The following ANKRD31 variants were observed in gnomAD, a reference collection of about 807,000 sequenced individuals.
ANKRD31 encodes ankyrin repeat domain 31, also known as ankyrin repeat domain-containing protein 31.
ANKRD31 carries 147 observed loss-of-function variants against 186.0 expected under a neutral mutation model. The ratio of observed to expected loss-of-function variants is 0.79; its 90% CI spans 0.69 to 0.91. The LOEUF is 0.91. Among genes scored for constraint, ANKRD31 ranks in the 40% least tolerant of loss-of-function variants. The probability of loss-of-function intolerance (pLI) is 0.00; values close to 1 mark genes in which losing one functional copy is unlikely to be tolerated. For synonymous variants in ANKRD31, 673 were observed against 736.4 expected, an observed-to-expected ratio of 0.91 and a Z score of 1.39; for missense variants, 1,986 against 2,148.8, an observed-to-expected ratio of 0.92 and a Z score of 1.50.
chr5:75,121,408 GA>G (rs1748779705), intron 17 of ANKRD31, among the ~76,000 whole-genome samples: 1 of 152,102 alleles, frequency 6.6e-6, no homozygotes, highest in Non-Finnish European at 1.5e-5. Context: ...CACTGAGACA[GA>G]AAATCAAGAA....
At chr5:75,205,536 A>C (rs528749502) in intron 5 of ANKRD31, among the ~76,000 whole-genome samples, 1 of 152,196 alleles carries the variant, frequency 6.6e-6, no homozygotes, top group Non-Finnish European at 1.5e-5. Context: ...TAGCACCCAC[A>C]TACTTGGTAT....
chr5:75,128,992 C>T (rs1394413809), intron 17 of ANKRD31, among the ~76,000 whole-genome samples: 1 of 152,082 alleles, frequency 6.6e-6, no homozygotes, highest in African/African-American at 2.4e-5. Flanking sequence ...GGCTTTGAGT[C>T]CCCACTCAAA....
intron 11 of ANKRD31, among the ~76,000 whole-genome samples, chr5:75,162,158 T>C (rs1752611146): frequency 6.6e-6 from 1 of 152,082 alleles, no homozygotes; most frequent in Non-Finnish European, 1.5e-5. Flanking sequence ...AAGCCAGAGA[T>C]ACTCAACACC....
intron 10 of ANKRD31, among the ~76,000 whole-genome samples, chr5:75,184,082 C>T (rs1754525665): frequency 6.6e-6 from 1 of 151,990 alleles, no homozygotes; most frequent in Non-Finnish European, 1.5e-5. Flanking sequence ...AATACAAAGC[C>T]CAGACATAAA....
At chr5:75,230,048 C>T (rs765267015) in intron 2 of ANKRD31, among the ~76,000 whole-genome samples, 7 of 151,852 alleles carry the variant, frequency 4.6e-5, no homozygotes, top group Middle Eastern at 6.8e-3. Flanking sequence ...AATACAAGTG[C>T]GTGTGTGTAT....
At chr5:75,203,095 C>T (rs539201034) in intron 5 of ANKRD31, among the ~76,000 whole-genome samples, 1 of 152,260 alleles carries the variant, frequency 6.6e-6, no homozygotes, top group Non-Finnish European at 1.5e-5. Context: ...TATAGGCATG[C>T]ACTACCTCAC....
chr5:75,174,107 T>C (rs1379633174), intron 10 of ANKRD31, among the ~76,000 whole-genome samples: 2 of 152,036 alleles, frequency 1.3e-5, no homozygotes, highest in African/African-American at 4.8e-5. Flanking sequence ...TTGACAAACC[T>C]GACAAAAACA....
intron 17 of ANKRD31, among the ~76,000 whole-genome samples, chr5:75,132,098 G>A (rs1343241186): frequency 6.6e-6 from 1 of 152,246 alleles, no homozygotes; most frequent in Non-Finnish European, 1.5e-5. Flanking sequence ...AAAAATCAGA[G>A]CGCCTCTTCT....
At chr5:75,201,188 T>A (rs766270102) in intron 5 of ANKRD31, among the ~76,000 whole-genome samples, 3 of 152,158 alleles carry the variant, frequency 2.0e-5, no homozygotes, top group Admixed American at 1.3e-4. Context: ...CCTGTTTTTT[T>A]CCCTCGCTTC....
chr5:75,072,663 G>A (rs949842411), intron 25 of ANKRD31, among the ~76,000 whole-genome samples: 1 of 152,228 alleles, frequency 6.6e-6, no homozygotes, highest in Non-Finnish European at 1.5e-5. Flanking sequence ...AAGTAGATGG[G>A]ATATTTCTGC....
chr5:75,149,169 T>C (rs972529570), intron 12 of ANKRD31, among the ~76,000 whole-genome samples: 6 of 151,862 alleles, frequency 4.0e-5, no homozygotes, highest in African/African-American at 1.4e-4. Flanking sequence ...GGAATGTATT[T>C]TAGTGTCTCT....
intron 23 of ANKRD31, among the ~76,000 whole-genome samples, chr5:75,090,805 T>C (rs974949475): frequency 1.5e-4 from 23 of 152,344 alleles, no homozygotes; most frequent in African/African-American, 5.5e-4. Flanking sequence ...AAATACATGA[T>C]AATATCTGAG....
At position 75,104,372 on chromosome 5, in the gene ANKRD31, A is replaced by G. The variant is rs374127019; in HGVS notation, c.5187T>C (p.Ser1729=). 406 of 1,537,116 alleles carry G rather than the reference A, an allele frequency of 2.6e-4. 3 individuals carry two copies. Among genetic ancestry groups the G allele is most frequent in the Middle Eastern group, 1.7e-4 (1 of 6,012 alleles). The part of the protein sequence containing the change: ...VPCADDSQIS[S]SSGSGQQDTI... Reference sequence around the variant, plus strand: ...TATCTTGTTGCCCAGATCCAGAGGAAGAGGAGATCTGACTGTCATCTGCAC... The same window carrying G: ...TATCTTGTTGCCCAGATCCAGAGGAGGAGGAGATCTGACTGTCATCTGCAC... Residue 1729 remains serine, a synonymous_variant, in exon 22 of 26, where the codon TCT becomes TCC. Transcript: ENST00000506364.
chr5:75,068,973 C>T (rs1489160502), intron 25 of ANKRD31, among the ~76,000 whole-genome samples: 1 of 152,164 alleles, frequency 6.6e-6, no homozygotes, highest in Non-Finnish European at 1.5e-5. Flanking sequence ...GAGAATAAAA[C>T]AGTTGTATTA....
At chr5:75,106,426 A>C (rs909184929) in intron 21 of ANKRD31, among the ~76,000 whole-genome samples, 1 of 152,116 alleles carries the variant, frequency 6.6e-6, no homozygotes, top group Non-Finnish European at 1.5e-5. Flanking sequence ...AGTAGTATAC[A>C]TAAGTGAAAA....
chr5:75,137,901 A>G lies in ANKRD31; in HGVS notation c.3831T>C (p.Asp1277=). 2.0e-6 allele frequency: 3 copies of G among 1,533,800 alleles called. No individual in the cohort carries two copies. Among genetic ancestry groups the G allele is most frequent in the Non-Finnish European group, 2.6e-6 (3 of 1,145,198 alleles). The change falls in exon 17 of 26, where the codon GAT becomes GAC. Residue 1277 remains aspartate, a synonymous_variant. Transcript: ENST00000506364. ...AGAKVNCENI[D]GILPLHDAVA... ...CAGCATCATGTAAGGGCAGAATTCCATCTATATTTTCACAATTAACCTTAG... is the reference window on the plus strand; with the variant it reads ...CAGCATCATGTAAGGGCAGAATTCCGTCTATATTTTCACAATTAACCTTAG...
At position 75,080,630 on chromosome 5, in the gene ANKRD31, C is replaced by T; in HGVS notation, c.5585G>A (p.Cys1862Tyr). ...TGGTTCCTGTACTGGGTCATCTAAA[C>T]AAGCAACTTCTGAAAGTGAAACAAA... ...QYQPCLPEVA[C>Y]LDDPVQEPNK... Residue 1862 changes from cysteine (C) to tyrosine (Y), a missense_variant, in exon 25 of 26, where the codon TGT becomes TAT. By Grantham distance (194) the Cys-to-Tyr change is radical (BLOSUM62 -2). Coordinates refer to ENST00000506364, the MANE Select transcript of ANKRD31 (RefSeq NM_001372053.1). 6.5e-7 allele frequency: 1 copy of T among 1,527,460 alleles called. No individual in the cohort carries two copies. The allele number at this position is 1,527,460 out of a possible 1,614,324, so 94.6% of individuals were successfully genotyped here.
chr5:75,181,500 A>G (rs1029415452), intron 10 of ANKRD31, among the ~76,000 whole-genome samples: 4 of 152,054 alleles, frequency 2.6e-5, no homozygotes, highest in Non-Finnish European at 4.4e-5. Flanking sequence ...GTCCAACAAC[A>G]ATAGATTGGA....
intron 4 of ANKRD31, among the ~76,000 whole-genome samples, chr5:75,209,180 G>A (rs895707785): frequency 2.8e-4 from 42 of 152,054 alleles, no homozygotes; most frequent in African/African-American, 9.7e-4. Context: ...TTTTGAATGA[G>A]TCTTTTACCT....
Sources: gnomAD v4.1 joint callset for allele counts (sites outside exome capture counted in the v4.1 genomes callset) on GRCh38, gnomAD v4.1.1 for gene constraint, MANE v1.5 for transcripts, NCBI Gene and HGNC (gene_info 2026-07-23, HGNC 2026-07-21) for gene names.